The following LYPD8 variants were observed in gnomAD, a reference collection of about 807,000 sequenced individuals.
LYPD8 encodes ly6/PLAUR domain-containing protein 8.
A neutral mutation model predicts 1.7 loss-of-function variants in LYPD8; 8 were observed. That is an observed-to-expected ratio of 4.58 (90% CI 2.69 to 8.27). The LOEUF (loss-of-function observed/expected upper bound fraction) is 8.27, where lower values mean the gene tolerates loss of function less well. LYPD8 is among the 30% of genes most tolerant of loss of function. The pLI is 0.00. For missense variants in LYPD8, 112 were observed against 102.3 expected, an observed-to-expected ratio of 1.09 and a Z score of -0.41; for synonymous variants, 50 against 43.6, an observed-to-expected ratio of 1.15 and a Z score of -0.58.
intron 6 of LYPD8, among the ~76,000 whole-genome samples, chr1:248,743,843 A>C (rs1662670702): frequency 1.3e-5 from 2 of 152,226 alleles, no homozygotes; most frequent in South Asian, 4.1e-4. Flanking sequence ...AGAGCTGCCA[A>C]GACCCGGTGA....
intron 2 of LYPD8, among the ~76,000 whole-genome samples, chr1:248,754,815 C>T (rs1662896881): frequency 6.6e-6 from 1 of 152,098 alleles, no homozygotes; most frequent in African/African-American, 2.4e-5. Context: ...TGCGCCAGCC[C>T]CTCACCCCTC....
At chr1:248,751,703 G>A (rs981785127) in intron 2 of LYPD8, among the ~76,000 whole-genome samples, 7,473 of 152,200 alleles carry the variant, frequency 0.049, 240 homozygotes, top group Non-Finnish European at 0.074. Context: ...AGCAGGATTG[G>A]GTAATGCACT....
intron 5 of LYPD8, among the ~76,000 whole-genome samples, chr1:248,746,471 G>C (rs963252203): frequency 2.0e-5 from 3 of 152,234 alleles, no homozygotes; most frequent in African/African-American, 4.8e-5. Flanking sequence ...GTCTGGACTT[G>C]AGATGTCCAC....
In LYPD8 at chr1:248,751,995, A is replaced by G. The variant is rs1432768369; in HGVS notation, c.-49-865T>C. Among the ~76,000 whole-genome samples the G allele has an allele frequency of 2.0e-5, 3 of 152,270 alleles. No individual in the cohort carries two copies. The East Asian group carries it at 5.8e-4, about 29-fold the overall frequency. On this transcript the variant is annotated intron_variant, in intron 2 of 6. Coordinates refer to ENST00000590317, the MANE Select transcript of LYPD8 (RefSeq NM_001085474.2). The stretch of plus-strand genomic sequence containing the variant: ...CGAAATTAGAACTTCCAGAATTCCA[A>G]CTTGCTTGTGTATCAAAGCAGGAGA...
intron 6 of LYPD8, among the ~76,000 whole-genome samples, 179 bp downstream of exon 6, chr1:248,744,963 A>G (rs1036972616): frequency 2.2e-3 from 331 of 152,310 alleles, no homozygotes; most frequent in African/African-American, 7.0e-3. Flanking sequence ...CTAAGAAGGC[A>G]GCAATAGCAG....
At chr1:248,743,219 C>G (rs558319734) in intron 6 of LYPD8, among the ~76,000 whole-genome samples, 1 of 152,152 alleles carries the variant, frequency 6.6e-6, no homozygotes, top group Non-Finnish European at 1.5e-5. Context: ...AATCCCAGCA[C>G]CTTCGGAGAC....
At chr1:248,742,634 GCGGGGGAGA>G (rs1553283600) in intron 6 of LYPD8, among the ~76,000 whole-genome samples, 12 of 81,560 alleles carry the variant, frequency 1.5e-4, no homozygotes, top group Non-Finnish European at 9.2e-5. Flanking sequence ...GATGTTGGCA[GCGGGGGAGA>G]TTATGCTCTG....
At chr1:248,751,485 C>T (rs1662801816) in intron 2 of LYPD8, among the ~76,000 whole-genome samples, 1 of 152,110 alleles carries the variant, frequency 6.6e-6, no homozygotes, top group Non-Finnish European at 1.5e-5. Context: ...CTCCCCTCCC[C>T]CAGAGCACAA....
rs1558206908 is a variant in LYPD8, at chr1:248,744,530, A to ATCTCACAATGGGTAGCGTCAAATGTGGG, written c.475+611_475+612insCCCACATTTGACGCTACCCATTGTGAGA. On this transcript the variant is annotated intron_variant, in intron 6 of 6. Transcript: ENST00000590317. ...TCACAATGGGTAGCGTCAAATGTGG[A>ATCTCACAATGGGTAGCGTCAAATGTGGG]TCTCACAATGGGTAGCGTCAAATGT... 2.6e-4 allele frequency among the ~76,000 whole-genome samples: 40 copies of ATCTCACAATGGGTAGCGTCAAATGTGGG among 151,758 alleles called. No individual in the cohort carries two copies. In the East Asian group the frequency reaches 7.5e-3, roughly 29 times the overall value.
intron 6 of LYPD8, among the ~76,000 whole-genome samples, chr1:248,741,133 G>C (rs1406504325): frequency 1.3e-5 from 2 of 151,940 alleles, no homozygotes; most frequent in Middle Eastern, 3.4e-3. Flanking sequence ...CAACAACAAA[G>C]GCTGATTCTA....
At chr1:248,753,217 C>CACCG (rs1662854772) in intron 2 of LYPD8, among the ~76,000 whole-genome samples, 8 of 92,968 alleles carry the variant, frequency 8.6e-5, no homozygotes, top group African/African-American at 3.1e-4. Context: ...AACACACACA[C>CACCG]CACACCACAC....
At chr1:248,746,270 C>T (rs1286643004) in intron 5 of LYPD8, among the ~76,000 whole-genome samples, 6 of 152,280 alleles carry the variant, frequency 3.9e-5, no homozygotes, top group South Asian at 2.1e-4. Context: ...GACATAGAGT[C>T]TTAACAGAGG....
At chr1:248,753,427 AAC>A (rs1376914536) in intron 2 of LYPD8, among the ~76,000 whole-genome samples, 3 of 86,924 alleles carry the variant, frequency 3.5e-5, no homozygotes, top group Admixed American at 3.3e-4. Flanking sequence ...CACCACACAC[AAC>A]ACACACAACA....
At chr1:248,746,484 A>C (rs1662727847) in intron 5 of LYPD8, among the ~76,000 whole-genome samples, 1 of 152,230 alleles carries the variant, frequency 6.6e-6, no homozygotes, top group South Asian at 2.1e-4. Context: ...ATGTCCACCC[A>C]AGGGAAAGGA....
intron 2 of LYPD8, among the ~76,000 whole-genome samples, chr1:248,751,408 G>C (rs1662799914): frequency 6.6e-6 from 1 of 152,166 alleles, no homozygotes. Context: ...TGTGCAGGCA[G>C]ATTAATTTTT....
At chr1:248,750,783 A>C (rs1662787570) in intron 3 of LYPD8, 140 bp from the exon 4 acceptor site, 3 of 397,650 alleles carry the variant, frequency 7.5e-6, no homozygotes, top group Admixed American at 8.8e-5. Context: ...GATACCTGAA[A>C]TTGATGCTGT....
rs1553283043 is a variant in LYPD8 at position 248,739,657 on chromosome 1, T to C, written c.668A>G (p.Tyr223Cys). The C allele has an allele frequency of 1.3e-6, 2 of 1,551,206 alleles. No individual in the cohort carries two copies. Among genetic ancestry groups the C allele is most frequent in the Non-Finnish European group, 1.7e-6 (2 of 1,146,860 alleles). Residue 223 changes from tyrosine (Y) to cysteine (C), a missense_variant, in exon 7 of 7, where the codon TAC becomes TGC. By Grantham distance (194) the Tyr-to-Cys change is radical. Coordinates refer to ENST00000590317, the MANE Select transcript of LYPD8 (RefSeq NM_001085474.2). This position sits in a 1 kb window ranked among gnomAD's most constrained non-coding sequence, Gnocchi z 4.3. ...AAGGAGGCTGGCAAGGGCCAAGAGG[T>C]AGAGGGAAGCTTTGGAGCCCACGTT... ...SHNVGSKASLYLLALASLLLR... is the reference protein window; with the variant it reads ...SHNVGSKASLCLLALASLLLR...
chr1:248,752,874 A>C (rs1662837502), intron 2 of LYPD8, among the ~76,000 whole-genome samples: 2 of 105,862 alleles, frequency 1.9e-5, no homozygotes. Flanking sequence ...CACACCACAC[A>C]CCCCACACAA....
chr1:248,752,788 A>AC (rs1662830530), intron 2 of LYPD8, among the ~76,000 whole-genome samples: 194 of 97,004 alleles, frequency 2.0e-3, no homozygotes, highest in African/African-American at 8.2e-3. Flanking sequence ...CACACACCAC[A>AC]CACACACCAC....
Sources: allele counts gnomAD v4.1 joint callset (sites outside exome capture counted in the v4.1 genomes callset), GRCh38; gene constraint gnomAD v4.1.1; non-coding constraint Gnocchi (gnomAD v3.1); transcripts MANE v1.5; gene names NCBI Gene and HGNC (gene_info 2026-07-23, HGNC 2026-07-21).